Variants in ERG observed in about 807,000 individuals in gnomAD.
ERG encodes the protein ETS transcription factor ERG.
A neutral mutation model predicts 55.3 loss-of-function variants in ERG; 9 were observed. The observed-to-expected ratio is 0.16, with a 90% confidence interval of 0.10 to 0.28. The LOEUF is 0.28. Ranked by LOEUF, ERG falls within the 10% of genes least tolerant of loss-of-function variation. The pLI is 1.00. For missense variants in ERG, 434 were observed against 631.6 expected, an observed-to-expected ratio of 0.69 and a Z score of 3.35; for synonymous variants, 223 against 237.3, an observed-to-expected ratio of 0.94 and a Z score of 0.55.
chr21:38,367,910 C>A, the ERG span, among the ~76,000 whole-genome samples: 1 of 152,178 alleles, frequency 6.6e-6, no homozygotes, highest in African/African-American at 2.4e-5. Context: ...CACAACATTG[C>A]TGAACACTGC....
chr21:38,491,694 C>G (rs1359837346), intron 1 of ERG, among the ~76,000 whole-genome samples: 1 of 152,138 alleles, frequency 6.6e-6, no homozygotes, highest in Non-Finnish European at 1.5e-5. Flanking sequence ...TCCATGAACA[C>G]CCTGCTGAAA....
chr21:38,455,890 G>A (rs1447605181), intron 1 of ERG, among the ~76,000 whole-genome samples: 1 of 141,496 alleles, frequency 7.1e-6, no homozygotes, highest in Non-Finnish European at 1.6e-5. Context: ...CCACAGACAG[G>A]TGTGTCACAC....
At chr21:38,653,559 C>A (rs1338476675) in intron 1 of ERG, among the ~76,000 whole-genome samples, 1 of 152,210 alleles carries the variant, frequency 6.6e-6, no homozygotes, top group African/African-American at 2.4e-5. Flanking sequence ...TTCAGCTAAA[C>A]TTAGCTATTT....
At chr21:38,390,900 G>A in intron 9 of ERG, 95 bp downstream of exon 9, 1 of 974,082 alleles carries the variant, frequency 1.0e-6, no homozygotes, top group Non-Finnish European at 1.6e-6. Flanking sequence ...AATCTGTTCA[G>A]TTGAAGGAAT....
chr21:38,643,476 C>T (rs1341381897), intron 1 of ERG, among the ~76,000 whole-genome samples: 1 of 152,160 alleles, frequency 6.6e-6, no homozygotes, highest in Non-Finnish European at 1.5e-5. Flanking sequence ...TTGATGCACA[C>T]CAAAGCCAAC....
At chr21:38,535,566 T>G (rs1568891758) in intron 2 of ERG, among the ~76,000 whole-genome samples, 1 of 152,346 alleles carries the variant, frequency 6.6e-6, no homozygotes, top group East Asian at 1.9e-4. Flanking sequence ...TATTTGTTCA[T>G]TCCTTCATGT....
chr21:38,544,969 C>T lies in ERG; in HGVS notation c.-41+30693G>A, dbSNP rs569605071. ...CTCTTACTAACCAGGAAGCTTCTAC[C>T]CGCTCTTGGTCTTCTTTCTCCACCC... On this transcript the variant is annotated intron_variant, in intron 2 of 8. Transcript: ENST00000398897. Among the ~76,000 whole-genome samples, 3 of 152,274 alleles carry T rather than the reference C, an allele frequency of 2.0e-5. No individual in the cohort carries two copies. In the South Asian group the frequency reaches 6.2e-4, roughly 32 times the overall value.
At chr21:38,516,663 C>G (rs2059554098) in intron 2 of ERG, among the ~76,000 whole-genome samples, 1 of 151,622 alleles carries the variant, frequency 6.6e-6, no homozygotes, top group Middle Eastern at 3.2e-3. Context: ...GCTAAAGGAA[C>G]CCTGAACAAA....
chr21:38,512,560 T>C (rs1018478601), intron 2 of ERG, among the ~76,000 whole-genome samples: 4 of 152,226 alleles, frequency 2.6e-5, no homozygotes, highest in African/African-American at 4.8e-5. Context: ...AAGAATGAGA[T>C]AGATATTAAT....
At chr21:38,416,591 T>G (rs1216496997) in intron 3 of ERG, among the ~76,000 whole-genome samples, 1 of 152,242 alleles carries the variant, frequency 6.6e-6, no homozygotes, top group Non-Finnish European at 1.5e-5. Context: ...ATTTGATAAG[T>G]CAATTGGGTA....
In ERG at chr21:38,485,235, T is replaced by C. The variant is rs547436820; in HGVS notation, c.18+13128A>G. ...TATGTGTTTGTGTCTTAGTTTTTAA[T>C]AAAAAGTTTAGAAAGTTAAAAAAAA... On this transcript the variant is annotated intron_variant, in intron 1 of 9. Coordinates refer to ENST00000288319, the MANE Select transcript of ERG (RefSeq NM_182918.4). Among the ~76,000 whole-genome samples the C allele has an allele frequency of 1.1e-3, 135 of 128,368 alleles. 1 individual carries two copies. The highest frequency in any genetic ancestry group is 3.8e-3 in the Middle Eastern group (1 of 264). The allele number at this position is 128,368 out of a possible 152,430, so 84.2% of individuals were successfully genotyped here. A position where few individuals can be genotyped will look rare whatever the true frequency, so the allele number is the denominator to read the frequency against.
intron 3 of ERG, among the ~76,000 whole-genome samples, chr21:38,419,621 T>C (rs373551127): frequency 1.3e-5 from 2 of 152,242 alleles, no homozygotes; most frequent in African/African-American, 4.8e-5. Context: ...AAAAAGTGGA[T>C]TCTACCGTGC....
chr21:38,520,112 G>C (rs1031411097), intron 2 of ERG, among the ~76,000 whole-genome samples: 13 of 152,102 alleles, frequency 8.5e-5, no homozygotes, highest in African/African-American at 3.1e-4. Context: ...AAATACTTTT[G>C]CAAGGAGGCA....
In ERG at chr21:38,456,857, C is replaced by A. The variant is rs546192011; in HGVS notation, c.19-11236G>T. Among the ~76,000 whole-genome samples, 8 of 152,276 alleles carry A rather than the reference C, an allele frequency of 5.3e-5. No individual in the cohort carries two copies. In the East Asian group the frequency reaches 1.4e-3, roughly 26 times the overall value. ...CTGCATGGAAAGGGGACTAAGTAGC[C>A]AGGTCATCAGAGCCCTTTGCTAATG... On this transcript the variant is annotated intron_variant, in intron 1 of 9. Transcript: ENST00000288319.
chr21:38,484,181 T>C (rs1314418093), intron 1 of ERG, among the ~76,000 whole-genome samples: 2 of 152,108 alleles, frequency 1.3e-5, no homozygotes, highest in Non-Finnish European at 2.9e-5. Context: ...CCCAGGCTGG[T>C]CGTGAACTCC....
intron 1 of ERG, among the ~76,000 whole-genome samples, chr21:38,650,896 T>C (rs768534397): frequency 1.3e-5 from 2 of 152,260 alleles, no homozygotes; most frequent in African/African-American, 2.4e-5. Flanking sequence ...TACATTTAGT[T>C]GATGTGCTTT....
intron 2 of ERG, among the ~76,000 whole-genome samples, chr21:38,549,264 T>C (rs949727354): frequency 6.6e-6 from 1 of 152,098 alleles, no homozygotes; most frequent in African/African-American, 2.4e-5. Context: ...TGATAAATCA[T>C]CATACTAAAG....
intron 1 of ERG, among the ~76,000 whole-genome samples, chr21:38,601,827 G>T (rs1452512895): frequency 2.0e-5 from 3 of 152,024 alleles, no homozygotes; most frequent in African/African-American, 7.2e-5. Flanking sequence ...TTTAAATGAG[G>T]TGTAGTCAAA....
chr21:38,595,878 T>C (rs993305715), intron 1 of ERG, among the ~76,000 whole-genome samples: 3 of 151,824 alleles, frequency 2.0e-5, no homozygotes, highest in Non-Finnish European at 2.9e-5. Context: ...TGTCATTGAG[T>C]TTTCAATTTG....
Sources: gnomAD v4.1 joint callset for allele counts (sites outside exome capture counted in the v4.1 genomes callset) on GRCh38, gnomAD v4.1.1 for gene constraint, MANE v1.5 for transcripts, NCBI Gene and HGNC (gene_info 2026-07-23, HGNC 2026-07-21) for gene names.